NCKAP5: variants seen among roughly 807,000 people sequenced by gnomAD.
NCKAP5 encodes nck-associated protein 5.
NCKAP5 carries 92 observed loss-of-function variants against 167.0 expected under a neutral mutation model. The observed-to-expected ratio is 0.55, with a 90% CI of 0.47 to 0.66. NCKAP5 has a LOEUF of 0.66. Ranked by LOEUF, NCKAP5 falls within the 30% of genes least tolerant of loss-of-function variation. The pLI, the probability that NCKAP5 is intolerant of heterozygous loss-of-function variation, is 0.00. For missense variants in NCKAP5, 2,378 were observed against 2,315.0 expected (o/e 1.03, Z -0.56); for synonymous variants, 891 against 877.4 (o/e 1.02, Z -0.27).
At chr2:133,477,725 C>T (rs1483503682) in intron 3 of NCKAP5, among the ~76,000 whole-genome samples, 1 of 152,088 alleles carries the variant, frequency 6.6e-6, no homozygotes, top group Non-Finnish European at 1.5e-5. Flanking sequence ...GTACTGTACT[C>T]ATCATTTTTT....
At chr2:133,414,671 A>T (rs950265263) in intron 3 of NCKAP5, among the ~76,000 whole-genome samples, 2 of 152,174 alleles carry the variant, frequency 1.3e-5, no homozygotes, top group Non-Finnish European at 2.9e-5. Flanking sequence ...CTCACTATGC[A>T]CATTCTTACA....
intron 9 of NCKAP5, among the ~76,000 whole-genome samples, chr2:132,874,691 G>T (rs1691129551): frequency 6.6e-6 from 1 of 152,178 alleles, no homozygotes; most frequent in African/African-American, 2.4e-5. Flanking sequence ...GCCCAGCTCT[G>T]ATTGGAGAGG....
chr2:132,757,053 C>A (rs1339449012), intron 16 of NCKAP5, among the ~76,000 whole-genome samples: 1 of 152,170 alleles, frequency 6.6e-6, no homozygotes, highest in Non-Finnish European at 1.5e-5. Context: ...TGATTCAATG[C>A]TCCTGGCTTG....
chr2:133,199,162 A>G (rs992788709), intron 5 of NCKAP5, among the ~76,000 whole-genome samples: 19 of 152,198 alleles, frequency 1.2e-4, no homozygotes, highest in African/African-American at 4.6e-4. Context: ...CTTGTAGAAG[A>G]AAACACAAAA....
In NCKAP5 at chr2:132,820,885, T is replaced by C. The variant is rs1352735165; in HGVS notation, c.808-24156A>G. On this transcript the variant is annotated intron_variant, in intron 11 of 19. Coordinates refer to ENST00000409261, the MANE Select transcript of NCKAP5 (RefSeq NM_207363.3). ...TTGGAGGTTGTTACTGCATAATTATTTGGGCTTATCCTGCGTGATAAGTGA... is the reference window on the plus strand; with the variant it reads ...TTGGAGGTTGTTACTGCATAATTATCTGGGCTTATCCTGCGTGATAAGTGA... 5.3e-5 allele frequency among the ~76,000 whole-genome samples: 8 copies of C among 152,270 alleles called. No homozygotes were observed. The East Asian group carries it at 9.7e-4, about 18-fold the overall frequency.
rs1361379509 is a variant in NCKAP5 at position 133,206,619 on chromosome 2, ATG to A, written c.207+7095_207+7096del. ...ACAATATGAAATCTGATTGTAAAAT[ATG>A]TGTTTGAACAATATGAAATCAGTGC... On this transcript the variant is annotated intron_variant, in intron 5 of 19. Coordinates refer to ENST00000409261, the MANE Select transcript of NCKAP5 (RefSeq NM_207363.3). Among the ~76,000 whole-genome samples the A allele has an allele frequency of 2.6e-5, 4 of 152,214 alleles. No homozygotes were observed. The East Asian group carries it at 7.7e-4, about 29-fold the overall frequency.
At chr2:133,236,595 T>C (rs993328821) in intron 4 of NCKAP5, among the ~76,000 whole-genome samples, 36 of 152,314 alleles carry the variant, frequency 2.4e-4, no homozygotes, top group African/African-American at 7.9e-4. Context: ...TGAAATTTCA[T>C]TTGAATGTAT....
intron 8 of NCKAP5, among the ~76,000 whole-genome samples, chr2:132,923,373 C>T (rs1695590960): frequency 6.6e-6 from 1 of 152,152 alleles, no homozygotes; most frequent in South Asian, 2.1e-4. Context: ...TACCTGGGAT[C>T]AATTGTGTTA....
At chr2:132,949,950 C>T (rs991000072) in intron 8 of NCKAP5, among the ~76,000 whole-genome samples, 2 of 152,072 alleles carry the variant, frequency 1.3e-5, no homozygotes, top group Non-Finnish European at 2.9e-5. Flanking sequence ...AAAAATTAGC[C>T]AGGCATAGTG....
chr2:132,977,876 A>G (rs2149258299), intron 7 of NCKAP5, among the ~76,000 whole-genome samples: 1 of 152,294 alleles, frequency 6.6e-6, no homozygotes, highest in South Asian at 2.1e-4. Flanking sequence ...ACTTTTCGAC[A>G]TTAAAACTAT....
chr2:133,034,993 C>T (rs1213850007), intron 6 of NCKAP5, among the ~76,000 whole-genome samples: 1 of 151,922 alleles, frequency 6.6e-6, no homozygotes, highest in Non-Finnish European at 1.5e-5. Flanking sequence ...AAAAAGAAGA[C>T]CCATTGATCT....
rs866308445 is a variant in NCKAP5 at position 132,915,325 on chromosome 2, C to T, written c.580-36409G>A. 5.9e-5 allele frequency among the ~76,000 whole-genome samples: 9 copies of T among 151,984 alleles called. No homozygotes were observed. The South Asian group carries it at 1.2e-3, about 21-fold the overall frequency. On this transcript the variant is annotated intron_variant, in intron 8 of 19. Coordinates refer to ENST00000409261, the MANE Select transcript of NCKAP5 (RefSeq NM_207363.3). ...TGCATGGCCTGACCTGGTGTGATTC[C>T]TACAGAGAAAGGAGCAGGAGGCTAA...
At chr2:132,735,829 G>A (rs1424316502) in intron 16 of NCKAP5, among the ~76,000 whole-genome samples, 1 of 152,238 alleles carries the variant, frequency 6.6e-6, no homozygotes, top group African/African-American at 2.4e-5. Flanking sequence ...CCATCGGGTA[G>A]TTGCAGGAAA....
At chr2:133,078,570 T>C (rs748744828) in intron 6 of NCKAP5, among the ~76,000 whole-genome samples, 1 of 152,042 alleles carries the variant, frequency 6.6e-6, no homozygotes, top group Non-Finnish European at 1.5e-5. Context: ...CTGGAAGAGC[T>C]GAAGAGACTC....
intron 4 of NCKAP5, among the ~76,000 whole-genome samples, chr2:133,259,039 G>A (rs2088774863): frequency 6.6e-6 from 1 of 152,098 alleles, no homozygotes; most frequent in Non-Finnish European, 1.5e-5. Flanking sequence ...ATGGGTCTCT[G>A]CTACCGCTCC....
At chr2:133,291,012 G>A (rs1253606829) in intron 4 of NCKAP5, among the ~76,000 whole-genome samples, 1 of 152,076 alleles carries the variant, frequency 6.6e-6, no homozygotes, top group African/African-American at 2.4e-5. Flanking sequence ...GAGCCACCAT[G>A]CTTGGACAGT....
At chr2:132,904,715 T>G (rs2148925321) in intron 8 of NCKAP5, among the ~76,000 whole-genome samples, 1 of 152,328 alleles carries the variant, frequency 6.6e-6, no homozygotes, top group African/African-American at 2.4e-5. Flanking sequence ...TTTTCTTATT[T>G]CACTTTTTAT....
chr2:133,065,882 G>T (rs2080176772), intron 6 of NCKAP5, among the ~76,000 whole-genome samples: 1 of 152,174 alleles, frequency 6.6e-6, no homozygotes, highest in Non-Finnish European at 1.5e-5. Flanking sequence ...ATATTTGGTA[G>T]AAAACTGTTG....
chr2:132,813,285 G>A (rs1270203336), intron 11 of NCKAP5, among the ~76,000 whole-genome samples: 1 of 152,166 alleles, frequency 6.6e-6, no homozygotes, highest in East Asian at 1.9e-4. Context: ...ATCACTTTCT[G>A]CAAAATACAT....
Sources: allele counts gnomAD v4.1 joint callset (sites outside exome capture counted in the v4.1 genomes callset), GRCh38; gene constraint gnomAD v4.1.1; transcripts MANE v1.5; gene names NCBI Gene and HGNC (gene_info 2026-07-23, HGNC 2026-07-21).